Variants in FAM114A1 observed in about 807,000 individuals in gnomAD.
The protein encoded by FAM114A1 is family with sequence similarity 114 member A1.
A neutral mutation model predicts 64.3 loss-of-function variants in FAM114A1; 62 were observed. The observed-to-expected ratio is 0.96, with a 90% confidence interval of 0.79 to 1.19. The LOEUF is 1.19. Ranked by LOEUF, FAM114A1 falls within the 50% of genes most tolerant of loss-of-function variation. The pLI is 0.00. For missense variants in FAM114A1, 645 were observed against 676.3 expected (o/e 0.95, Z 0.51); for synonymous variants, 254 against 251.1 (o/e 1.01, Z -0.11).
intron 2 of FAM114A1, among the ~76,000 whole-genome samples, chr4:38,874,496 C>G (rs1714416753): frequency 6.6e-6 from 1 of 152,012 alleles, no homozygotes; most frequent in South Asian, 2.1e-4. Context: ...ATGTCATTTG[C>G]CCATTTTTTA....
At chr4:38,891,120 G>A (rs536791638) in intron 3 of FAM114A1, among the ~76,000 whole-genome samples, 4 of 152,246 alleles carry the variant, frequency 2.6e-5, no homozygotes, top group Non-Finnish European at 4.4e-5. Flanking sequence ...CTAGGCAAAC[G>A]AATTGGAATC....
intron 4 of FAM114A1, among the ~76,000 whole-genome samples, chr4:38,900,275 A>T (rs1717390239): frequency 6.6e-6 from 1 of 152,040 alleles, no homozygotes; most frequent in Non-Finnish European, 1.5e-5. Context: ...GAGAAACTGG[A>T]ACCCTTGTGT....
chr4:38,880,100 AAATAGAGTAG>A (rs1425476583), intron 3 of FAM114A1, among the ~76,000 whole-genome samples: 6 of 98,942 alleles, frequency 6.1e-5, no homozygotes, highest in South Asian at 3.6e-4. Flanking sequence ...AAATAAAATA[AAATAGAGTAG>A]AATAGAATAG....
In FAM114A1 at chr4:38,900,250, G is replaced by A. The variant is rs770055393; in HGVS notation, c.437-5272G>A. Among the ~76,000 whole-genome samples the A allele has an allele frequency of 4.6e-5, 7 of 151,144 alleles. No homozygotes were observed. The South Asian group carries it at 8.4e-4, about 18-fold the overall frequency. On this transcript the variant is annotated intron_variant, in intron 4 of 14. Transcript: ENST00000358869. ...TAAAAAAAAAAAACAGAAAATAAGC[G>A]TTGGTGAGGATGCGGAGAAACTGGA... is the stretch of plus-strand genomic sequence containing the variant.
chr4:38,892,089 A>G (rs1330670302), intron 4 of FAM114A1, among the ~76,000 whole-genome samples: 1 of 152,252 alleles, frequency 6.6e-6, no homozygotes, highest in African/African-American at 2.4e-5. Flanking sequence ...GACCAAAGTC[A>G]GGAATGTCTG....
In FAM114A1 at chr4:38,905,735, G is replaced by C; in HGVS notation, c.551-20G>C. 6.2e-7 allele frequency: 1 copy of C among 1,611,476 alleles called. No homozygotes were observed. The highest frequency in any genetic ancestry group is 8.5e-7 in the Non-Finnish European group (1 of 1,179,204). ...AGATCAGCGACGTGAACTCTTAAAG[G>C]ATTTCTTTTTTCTCTTTAGTAACAG... On this transcript the variant is annotated intron_variant, in intron 5 of 14. Coordinates refer to ENST00000358869, the MANE Select transcript of FAM114A1 (RefSeq NM_138389.4).
intron 9 of FAM114A1, among the ~76,000 whole-genome samples, chr4:38,926,934 G>T (rs1579392702): frequency 1.0e-5 from 1 of 99,956 alleles, no homozygotes; most frequent in Admixed American, 8.9e-5. Context: ...AGCCCCCTTA[G>T]AGCACTTACC....
chr4:38,880,105 G>GAAT (rs1560288047), intron 3 of FAM114A1, among the ~76,000 whole-genome samples: 3 of 106,952 alleles, frequency 2.8e-5, no homozygotes, highest in East Asian at 3.8e-4. Flanking sequence ...AAATAAAATA[G>GAAT]AGTAGAATAG....
At chr4:38,930,557 A>G (rs1396783952) in intron 10 of FAM114A1, among the ~76,000 whole-genome samples, 1 of 152,158 alleles carries the variant, frequency 6.6e-6, no homozygotes. Flanking sequence ...TGTCTGTAAT[A>G]GAGGACACAC....
chr4:38,891,961 C>T (rs1173375286), intron 4 of FAM114A1, 131 bp downstream of exon 4: 2 of 655,728 alleles, frequency 3.1e-6, no homozygotes, highest in Non-Finnish European at 4.6e-6. Flanking sequence ...GCTTACTATT[C>T]TAAGTGCTTC....
intron 3 of FAM114A1, among the ~76,000 whole-genome samples, chr4:38,881,272 G>A (rs1381566509): frequency 6.6e-6 from 1 of 151,942 alleles, no homozygotes; most frequent in Non-Finnish European, 1.5e-5. Flanking sequence ...AATGAATCTT[G>A]CTTTGAAAAC....
At chr4:38,905,987 T>A in intron 6 of FAM114A1, 126 bp downstream of exon 6, 1 of 676,662 alleles carries the variant, frequency 1.5e-6, no homozygotes, top group Non-Finnish European at 2.3e-6. Context: ...TGGATTATGG[T>A]TTTTTTTTTA....
At chr4:38,871,954 G>A (rs1017152856) in intron 2 of FAM114A1, among the ~76,000 whole-genome samples, 2 of 152,176 alleles carry the variant, frequency 1.3e-5, no homozygotes, top group Non-Finnish European at 2.9e-5. Flanking sequence ...CTAGAAGAAC[G>A]CTACTCCAAA....
At chr4:38,885,006 C>T (rs1463329872) in intron 3 of FAM114A1, among the ~76,000 whole-genome samples, 1 of 152,190 alleles carries the variant, frequency 6.6e-6, no homozygotes, top group Non-Finnish European at 1.5e-5. Flanking sequence ...GATAGGGTCT[C>T]CCTCTATCGC....
chr4:38,924,492 G>A (rs574305145), intron 9 of FAM114A1, among the ~76,000 whole-genome samples: 3 of 152,210 alleles, frequency 2.0e-5, no homozygotes, highest in East Asian at 3.9e-4. Context: ...TGTTCAGGGC[G>A]AAATTATTCT....
chr4:38,906,068 GT>G (rs1717977261), intron 6 of FAM114A1, among the ~76,000 whole-genome samples: 2 of 152,044 alleles, frequency 1.3e-5, no homozygotes, highest in South Asian at 4.2e-4. Context: ...TATATTTTAT[GT>G]TTAAAAGAAG....
intron 14 of FAM114A1, among the ~76,000 whole-genome samples, chr4:38,943,180 A>G (rs940897374): frequency 1.4e-5 from 2 of 147,552 alleles, no homozygotes; most frequent in African/African-American, 5.1e-5. Context: ...CGTCAGAGCA[A>G]GACTCTGTCT....
chr4:38,881,841 G>A (rs1324062360), intron 3 of FAM114A1, among the ~76,000 whole-genome samples: 1 of 152,206 alleles, frequency 6.6e-6, no homozygotes, highest in Non-Finnish European at 1.5e-5. Context: ...CTCCAGAGCA[G>A]AGTGAATTGT....
Position 38,914,971 on chromosome 4 carries a change from C to G in FAM114A1, c.843C>G (p.Leu281=), listed in dbSNP as rs778109875. The change falls in exon 8 of 15, where the codon CTC becomes CTG. Residue 281 remains leucine, a synonymous_variant. Coordinates refer to ENST00000358869, the MANE Select transcript of FAM114A1 (RefSeq NM_138389.4). ...EKEKQRLAQQ[L]TMERTAHYGM... is the part of the protein sequence containing the mutation. ...AGAAGCAGAGACTGGCACAGCAGCT[C>G]ACGATGGAGAGAACCGCGCACTACG... 4 of 1,614,092 alleles carry G rather than the reference C, an allele frequency of 2.5e-6. No individual in the cohort carries two copies. In the South Asian group the frequency reaches 4.4e-5, roughly 18 times the overall value.
Sources: allele counts gnomAD v4.1 joint callset (sites outside exome capture counted in the v4.1 genomes callset), GRCh38; gene constraint gnomAD v4.1.1; transcripts MANE v1.5; gene names NCBI Gene and HGNC (gene_info 2026-07-23, HGNC 2026-07-21).